CDH15: variants seen among roughly 807,000 people sequenced by gnomAD.
The protein encoded by CDH15 is cadherin 15.
CDH15 carries 73 observed loss-of-function variants against 69.4 expected under a neutral mutation model. The observed-to-expected ratio is 1.05, with a 90% confidence interval of 0.87 to 1.28. The LOEUF is 1.28. Ranked by LOEUF, CDH15 falls within the 50% of genes most tolerant of loss-of-function variation. CDH15 has a pLI of 0.00. For missense variants in CDH15, 1,343 were observed against 1,133.6 expected (o/e 1.18, Z -2.65); for synonymous variants, 624 against 507.7 (o/e 1.23, Z -3.08).
Position 89,191,388 on chromosome 16 carries a change from A to T in CDH15, c.1291A>T (p.Ile431Phe). 1 of 1,612,770 alleles carries T rather than the reference A, an allele frequency of 6.2e-7. No individual in the cohort carries two copies. Among genetic ancestry groups the T allele is most frequent in the Non-Finnish European group, 8.5e-7 (1 of 1,179,976 alleles). Residue 431 changes from isoleucine (I) to phenylalanine (F), a missense_variant, in exon 9 of 14, where the codon ATC (isoleucine) becomes TTC (phenylalanine). Transcript: ENST00000289746. ...GCAAGTGGACGCAGCCACTGGCCGG[A>T]TCCAGACCCAGCACGTGCTCAGCCC... ...WLQVDAATGR[I>F]QTQHVLSPAS...
intron 1 of CDH15, among the ~76,000 whole-genome samples, chr16:89,175,698 G>T (rs1312004955): frequency 6.6e-6 from 1 of 152,256 alleles, no homozygotes; most frequent in Non-Finnish European, 1.5e-5. Context: ...CCTGGAAGTG[G>T]CTTGTGCTCT....
At position 89,174,717 on chromosome 16, in the gene CDH15, G is replaced by A. The variant is rs148336931; in HGVS notation, c.42+2844G>A. Among the ~76,000 whole-genome samples, 25 of 152,296 alleles carry A rather than the reference G, an allele frequency of 1.6e-4. No individual in the cohort carries two copies. In the East Asian group the frequency reaches 2.3e-3, roughly 14 times the overall value. Reference sequence around the variant, plus strand: ...AAGGGTCCAGTCGAGGATGAGCTTGGGGGTGTCATTGGGGACCCCCTGTGG... The same window carrying A: ...AAGGGTCCAGTCGAGGATGAGCTTGAGGGTGTCATTGGGGACCCCCTGTGG... On this transcript the variant is annotated intron_variant, in intron 1 of 13. Transcript: ENST00000289746.
chr16:89,194,125 CG>C (rs1444351569), intron 13 of CDH15, among the ~76,000 whole-genome samples: 2 of 152,240 alleles, frequency 1.3e-5, no homozygotes, highest in Non-Finnish European at 2.9e-5. Context: ...CCACCCGCGA[CG>C]CGGGTCTTTG....
chr16:89,177,268 T>C (rs866587432), intron 1 of CDH15, among the ~76,000 whole-genome samples: 1 of 151,992 alleles, frequency 6.6e-6, no homozygotes, highest in East Asian at 1.9e-4. Context: ...CCAAGGCTGA[T>C]TGGGGCTGTG....
chr16:89,179,324 G>A lies in CDH15; in HGVS notation c.43-92G>A, dbSNP rs546171341. 4.2e-5 allele frequency: 62 copies of A among 1,465,374 alleles called. No individual in the cohort carries two copies. The East Asian group carries it at 6.2e-4, about 15-fold the overall frequency. 90.8% of individuals were successfully genotyped at this position (1,465,374 alleles called of 1,614,324 possible). A position where few individuals can be genotyped will look rare whatever the true frequency, so the allele number is the denominator to read the frequency against. ...TGGGCTGAGGGAAACACTGCGCCCC[G>A]TGGCCTCCTCACCACCCACAGCTCC... On this transcript the variant is annotated intron_variant, in intron 1 of 13. Coordinates refer to ENST00000289746, the MANE Select transcript of CDH15 (RefSeq NM_004933.3).
chr16:89,183,709 G>A lies in CDH15; in HGVS notation c.502+17G>A, dbSNP rs942334397. The A allele has an allele frequency of 1.9e-6, 3 of 1,581,508 alleles. No homozygotes were observed. In the African/African-American group the frequency reaches 4.0e-5, roughly 21 times the overall value. ...CAGTCCCAGGTGAGACAGGACCACA[G>A]CCCCGGGCCGGGAGGGGCTGCAAGG... is the stretch of plus-strand genomic sequence containing the variant. On this transcript the variant is annotated intron_variant, in intron 4 of 13. Transcript: ENST00000289746.
rs576550717 is a variant in CDH15, at chr16:89,192,199, C to T, written c.1616-6C>T. The T allele has an allele frequency of 6.0e-5, 91 of 1,528,870 alleles. 1 individual carries two copies. In the African/African-American group the frequency reaches 1.1e-3, roughly 18 times the overall value. 94.7% of individuals were successfully genotyped at this position (1,528,870 alleles called of 1,614,324 possible). On this transcript the variant is annotated splice_polypyrimidine_tract_variant and splice_region_variant and intron_variant, in intron 10 of 13. Transcript: ENST00000289746. ...GGCCCTCGCTCACCACAGGCGCCCT[C>T]CGCAGTGAGCCACGCGCGCCTGCGG...
intron 1 of CDH15, among the ~76,000 whole-genome samples, chr16:89,178,200 G>A (rs1034300138): frequency 2.0e-5 from 3 of 152,142 alleles, no homozygotes; most frequent in South Asian, 2.1e-4. Flanking sequence ...TCAGGACCTC[G>A]GGAGAATTTG....
chr16:89,193,859 G>A lies in CDH15; in HGVS notation c.2097G>A (p.Gln699=). Residue 699 remains glutamine, a synonymous_variant, in exon 13 of 14, where the codon CAG becomes CAA. Transcript: ENST00000289746. ...CCCCGCAGGGCCGCCTGCACCCCCA[G>A]CCACCCCGAGTGCTGCCCACCAGCC... ...RDAPQGRLHP[Q]PPRVLPTSPL... 6.2e-7 allele frequency: 1 copy of A among 1,611,878 alleles called. No individual in the cohort carries two copies.
At chr16:89,184,687 GCCTGCCCGTGCGTCCTCTGTCTTAT>G (rs1230845699) in intron 4 of CDH15, among the ~76,000 whole-genome samples, 3 of 151,738 alleles carry the variant, frequency 2.0e-5, no homozygotes, top group Non-Finnish European at 2.9e-5. Flanking sequence ...CCTCTGCCCA[GCCTGCCCGTGCGTCCTCTGTCTTAT>G]CCTGCCCGTG....
intron 7 of CDH15, among the ~76,000 whole-genome samples, chr16:89,188,709 GCGGCACACACAGATGC>G (rs1213040607): frequency 6.9e-4 from 54 of 78,524 alleles, no homozygotes; most frequent in African/African-American, 1.2e-3. Context: ...CGCACAGATG[GCGGCACACACAGATGC>G]CGGCACACAC....
intron 1 of CDH15, among the ~76,000 whole-genome samples, chr16:89,175,605 C>T (rs926368415): frequency 4.6e-5 from 7 of 152,246 alleles, no homozygotes; most frequent in East Asian, 3.9e-4. Context: ...CAGCCACGGC[C>T]GGAAACAGAC....
At chr16:89,185,112 C>T in intron 4 of CDH15, 61 bp from the exon 5 acceptor site, 1 of 1,518,268 alleles carries the variant, frequency 6.6e-7, no homozygotes, top group Non-Finnish European at 8.9e-7. Context: ...ACGCCCCTCA[C>T]AATGCCCCCA....
At chr16:89,186,604 C>T (rs1398474496) in intron 5 of CDH15, among the ~76,000 whole-genome samples, 6 of 114,526 alleles carry the variant, frequency 5.2e-5, no homozygotes, top group Admixed American at 1.7e-4. Flanking sequence ...TGTAAACGCT[C>T]ACCCAGCGCA....
chr16:89,195,366 A>G lies in CDH15; in HGVS notation c.*211A>G. 1.7e-6 allele frequency: 1 copy of G among 589,672 alleles called. No individual in the cohort carries two copies. Among genetic ancestry groups the G allele is most frequent in the Non-Finnish European group, 3.0e-6 (1 of 336,298 alleles). The allele number at this position is 589,672 out of a possible 1,614,324, so 36.5% of individuals were successfully genotyped here. ...GCCGGGGTGGGAAGAGTTTCTCTCC[A>G]TCGGCCCCATGCGGGTCACCTCCCT... On this transcript the variant is annotated 3_prime_UTR_variant, in exon 14 of 14. Coordinates refer to ENST00000289746, the MANE Select transcript of CDH15 (RefSeq NM_004933.3).
At chr16:89,176,880 A>AT (rs1915268924) in intron 1 of CDH15, among the ~76,000 whole-genome samples, 2 of 149,512 alleles carry the variant, frequency 1.3e-5, no homozygotes, top group African/African-American at 5.1e-5. Context: ...AGCACCTCCC[A>AT]CCCGTCCCCC....
intron 11 of CDH15, 65 bp downstream of exon 11, chr16:89,192,509 C>T: frequency 5.2e-6 from 8 of 1,536,952 alleles, no homozygotes; most frequent in South Asian, 1.2e-5. Context: ...CAGGCCGTCC[C>T]CTGCTAACCA....
intron 1 of CDH15, among the ~76,000 whole-genome samples, chr16:89,172,380 A>G (rs1915175652): frequency 6.6e-6 from 1 of 152,066 alleles, no homozygotes; most frequent in Non-Finnish European, 1.5e-5. Flanking sequence ...CCCTGCCCCC[A>G]GGAACTCACC....
At chr16:89,185,551 T>C (rs775767926) in intron 5 of CDH15, 375 of 635,156 alleles carry the variant, frequency 5.9e-4, no homozygotes, top group Middle Eastern at 1.7e-3. Flanking sequence ...CTGGTGCAAG[T>C]AGGGCGTGAG....
Sources: allele counts gnomAD v4.1 joint callset (sites outside exome capture counted in the v4.1 genomes callset), GRCh38; gene constraint gnomAD v4.1.1; transcripts MANE v1.5; gene names NCBI Gene and HGNC (gene_info 2026-07-23, HGNC 2026-07-21).